Variants in FAF1 observed in about 807,000 individuals in gnomAD.
FAF1 encodes FAS-associated factor 1.
In FAF1, 25 loss-of-function variants were observed where a neutral mutation model predicts 92.5. The ratio of observed to expected loss-of-function variants is 0.27; its 90% CI spans 0.20 to 0.38. The LOEUF (loss-of-function observed/expected upper bound fraction) is 0.38, where lower values mean the gene tolerates loss of function less well. FAF1 is among the 10% of genes least tolerant of loss of function. The probability of loss-of-function intolerance (pLI) is 1.00; values close to 1 mark genes in which losing one functional copy is unlikely to be tolerated. For synonymous variants in FAF1, 234 were observed against 273.2 expected, an observed-to-expected ratio of 0.86 and a Z score of 1.42; for missense variants, 636 against 793.3, an observed-to-expected ratio of 0.80 and a Z score of 2.38.
At chr1:50,499,629 A>T (rs1646956730) in intron 15 of FAF1, among the ~76,000 whole-genome samples, 1 of 152,206 alleles carries the variant, frequency 6.6e-6, no homozygotes, top group Non-Finnish European at 1.5e-5. Context: ...AAATGTGGAA[A>T]ATTCTAAGGA....
intron 8 of FAF1, among the ~76,000 whole-genome samples, chr1:50,611,070 G>C (rs1652663435): frequency 1.3e-5 from 2 of 152,154 alleles, no homozygotes; most frequent in South Asian, 4.1e-4. Flanking sequence ...AAACAAGGCA[G>C]CACCAGCAAT....
At chr1:50,576,038 G>T (rs937067459) in intron 12 of FAF1, among the ~76,000 whole-genome samples, 1 of 152,148 alleles carries the variant, frequency 6.6e-6, no homozygotes, top group African/African-American at 2.4e-5. Context: ...AAATGTTCAT[G>T]GGGTTCTCAA....
At chr1:50,621,358 T>C (rs1442788504) in intron 8 of FAF1, among the ~76,000 whole-genome samples, 2 of 151,386 alleles carry the variant, frequency 1.3e-5, no homozygotes, top group African/African-American at 2.4e-5. Flanking sequence ...GCCCCAGTCT[T>C]ACGGGGAAGT....
intron 6 of FAF1, among the ~76,000 whole-genome samples, chr1:50,724,288 C>CAT (rs1553132388): frequency 5.5e-4 from 62 of 113,514 alleles, no homozygotes; most frequent in South Asian, 1.3e-3. Context: ...CACACACACA[C>CAT]ACACACATAC....
At chr1:50,901,207 T>A (rs983073949) in intron 1 of FAF1, among the ~76,000 whole-genome samples, 1 of 152,282 alleles carries the variant, frequency 6.6e-6, no homozygotes, top group Non-Finnish European at 1.5e-5. Context: ...GGATTCCACC[T>A]GCAGGGCTAA....
chr1:50,857,363 A>G (rs974631782), intron 2 of FAF1, among the ~76,000 whole-genome samples: 5 of 151,746 alleles, frequency 3.3e-5, no homozygotes, highest in African/African-American at 1.2e-4. Context: ...TCATCCTGAC[A>G]CAACCAATAC....
chr1:50,921,975 C>T (rs972911432), intron 1 of FAF1, among the ~76,000 whole-genome samples: 2 of 144,598 alleles, frequency 1.4e-5, no homozygotes, highest in African/African-American at 2.6e-5. Context: ...AAGACCAGCC[C>T]GGCTAACATG....
intron 2 of FAF1, among the ~76,000 whole-genome samples, chr1:50,854,252 A>G (rs141308678): frequency 3.3e-5 from 5 of 152,194 alleles, no homozygotes; most frequent in African/African-American, 1.2e-4. Context: ...TAGAATTTAT[A>G]ATGTTCATGT....
intron 5 of FAF1, among the ~76,000 whole-genome samples, chr1:50,740,332 C>A (rs1183507012): frequency 3.3e-5 from 5 of 152,048 alleles, no homozygotes; most frequent in African/African-American, 1.2e-4. Flanking sequence ...GTGAAGGAAG[C>A]AAACCATGAG....
At chr1:50,958,384 T>TA (rs1645287105) in intron 1 of FAF1, among the ~76,000 whole-genome samples, 1 of 152,022 alleles carries the variant, frequency 6.6e-6, no homozygotes, top group Non-Finnish European at 1.5e-5. Context: ...CGTTAATTTG[T>TA]AAAAATAAGG....
chr1:50,596,789 G>C (rs942545919), intron 8 of FAF1, among the ~76,000 whole-genome samples: 5 of 152,130 alleles, frequency 3.3e-5, no homozygotes, highest in Non-Finnish European at 7.3e-5. Context: ...AATAACCTGA[G>C]TCAATGATGC....
Position 50,516,759 on chromosome 1 carries a change from T to G in FAF1, c.1494+18610A>C, listed in dbSNP as rs139622183. Among the ~76,000 whole-genome samples the G allele has an allele frequency of 4.1e-3, 618 of 152,334 alleles. 8 individuals are homozygous for G. Among genetic ancestry groups the G allele is most frequent in the African/African-American group, 0.014 (571 of 41,578 alleles). ...TCTTCCAGTAAACAGTAATTAGATA[T>G]CTACAGCTATACATTCAAATTTATC... On this transcript the variant is annotated intron_variant, in intron 15 of 18. Transcript: ENST00000396153.
rs116766155 is a variant in FAF1 at position 50,835,417 on chromosome 1, C to T, written c.114+22512G>A. On this transcript the variant is annotated intron_variant, in intron 2 of 18. Coordinates refer to ENST00000396153, the MANE Select transcript of FAF1 (RefSeq NM_007051.3). ...AAGTTTAAGACCTAAATTCAAATCC[C>T]CTAGTCACTGTCTATGAGCTTTGCA... Among the ~76,000 whole-genome samples the T allele has an allele frequency of 4.1e-3, 628 of 151,878 alleles. 6 individuals are homozygous for T. Among genetic ancestry groups the T allele is most frequent in the African/African-American group, 0.015 (608 of 41,424 alleles).
chr1:50,735,093 G>T (rs541043452), intron 6 of FAF1, among the ~76,000 whole-genome samples: 43 of 152,262 alleles, frequency 2.8e-4, no homozygotes, highest in African/African-American at 1.0e-3. Context: ...TTAAGAAAAG[G>T]CCTAATCATC....
chr1:50,916,056 G>A (rs1254908648), intron 1 of FAF1, among the ~76,000 whole-genome samples: 1 of 152,150 alleles, frequency 6.6e-6, no homozygotes, highest in Non-Finnish European at 1.5e-5. Context: ...GAGCTTCTAA[G>A]TAATTTTTCA....
intron 6 of FAF1, among the ~76,000 whole-genome samples, chr1:50,711,163 C>T (rs1657910105): frequency 6.6e-6 from 1 of 152,146 alleles, no homozygotes; most frequent in Non-Finnish European, 1.5e-5. Context: ...CTGCCTCAGC[C>T]TCCCAAAGTG....
In FAF1 at chr1:50,749,543, T is replaced by C. The variant is rs372019610; in HGVS notation, c.368-4768A>G. Among the ~76,000 whole-genome samples the C allele has an allele frequency of 1.5e-3, 233 of 152,292 alleles. 5 individuals are homozygous for C. In the South Asian group the frequency reaches 0.045, roughly 30 times the overall value. On this transcript the variant is annotated intron_variant, in intron 4 of 18. Coordinates refer to ENST00000396153, the MANE Select transcript of FAF1 (RefSeq NM_007051.3). ...GCTCATGCCTATAATCCCAGCACTT[T>C]GGGAAGCCAAGGTAGAAGGACAGCT...
chr1:50,631,245 T>C (rs1054181772), intron 8 of FAF1, among the ~76,000 whole-genome samples: 1 of 152,212 alleles, frequency 6.6e-6, no homozygotes, highest in Non-Finnish European at 1.5e-5. Flanking sequence ...TCAACTGTGG[T>C]CCAAAAATAT....
At chr1:50,686,183 T>C (rs993189018) in intron 7 of FAF1, among the ~76,000 whole-genome samples, 3 of 152,156 alleles carry the variant, frequency 2.0e-5, no homozygotes, top group Non-Finnish European at 4.4e-5. Flanking sequence ...TGAAATGTTA[T>C]TCTAGTAGTT....
Sources: allele counts gnomAD v4.1 joint callset (sites outside exome capture counted in the v4.1 genomes callset), GRCh38; gene constraint gnomAD v4.1.1; transcripts MANE v1.5; gene names NCBI Gene and HGNC (gene_info 2026-07-23, HGNC 2026-07-21).